ELAVL2: variants seen among roughly 807,000 people sequenced by gnomAD.
ELAVL2 encodes ELAV-like protein 2.
ELAVL2 carries 4 observed loss-of-function variants against 34.6 expected under a neutral mutation model. The observed-to-expected ratio is 0.12, with a 90% CI of 0.06 to 0.26. The LOEUF (loss-of-function observed/expected upper bound fraction) is 0.26. Ranked by LOEUF, ELAVL2 falls within the 10% of genes least tolerant of loss-of-function variation. The pLI is 1.00. For missense variants in ELAVL2, 432 were observed against 442.8 expected, an observed-to-expected ratio of 0.98 and a Z score of 0.22; for synonymous variants, 193 against 154.8, an observed-to-expected ratio of 1.25 and a Z score of -1.83.
intron 3 of ELAVL2, among the ~76,000 whole-genome samples, chr9:23,727,173 G>A (rs1165487182): frequency 2.0e-5 from 3 of 152,040 alleles, no homozygotes; most frequent in Admixed American, 1.3e-4. Flanking sequence ...TGCAGTACAG[G>A]GATGATGTCA....
intron 4 of ELAVL2, among the ~76,000 whole-genome samples, chr9:23,702,477 G>A (rs1450329425): frequency 1.3e-5 from 2 of 151,942 alleles, no homozygotes; most frequent in African/African-American, 4.8e-5. Flanking sequence ...TAATTAGCGT[G>A]AACAGGCTAG....
chr9:23,824,289 G>A (rs2065143498), intron 1 of ELAVL2, among the ~76,000 whole-genome samples: 1 of 152,156 alleles, frequency 6.6e-6, no homozygotes. Flanking sequence ...TGAAATAGGT[G>A]GGTACGTAGC....
chr9:23,754,475 T>C (rs910679394), intron 2 of ELAVL2, among the ~76,000 whole-genome samples: 1 of 151,980 alleles, frequency 6.6e-6, no homozygotes, highest in Non-Finnish European at 1.5e-5. Flanking sequence ...TTTTGTGAAA[T>C]GGAGTCTTGC....
At chr9:23,783,336 G>C (rs758002600) in intron 1 of ELAVL2, 15 of 407,912 alleles carry the variant, frequency 3.7e-5, no homozygotes, top group Admixed American at 1.3e-4. Flanking sequence ...ATCTCACTCA[G>C]CTCACAGTCT....
intron 3 of ELAVL2, among the ~76,000 whole-genome samples, chr9:23,707,167 A>C (rs1208323767): frequency 6.6e-6 from 1 of 152,242 alleles, no homozygotes; most frequent in East Asian, 1.9e-4. Flanking sequence ...ATGTAAGTGA[A>C]GAACAAGTGG....
At chr9:23,699,820 T>G (rs1414599450) in intron 5 of ELAVL2, among the ~76,000 whole-genome samples, 32 of 37,362 alleles carry the variant, frequency 8.6e-4, no homozygotes, top group African/African-American at 1.3e-4. Context: ...AGGTTTTTTT[T>G]TTTTTTTTTT....
At chr9:23,703,262 G>C (rs2038097981) in intron 4 of ELAVL2, among the ~76,000 whole-genome samples, 1 of 152,122 alleles carries the variant, frequency 6.6e-6, no homozygotes, top group African/African-American at 2.4e-5. Context: ...CAATTCACAA[G>C]ATCTCAGAAT....
chr9:23,791,021 A>C (rs1052517515), intron 1 of ELAVL2, among the ~76,000 whole-genome samples: 9 of 152,198 alleles, frequency 5.9e-5, no homozygotes, highest in African/African-American at 2.2e-4. Flanking sequence ...CTGTCTTCTA[A>C]ATATATGTTC....
chr9:23,774,637 AGT>A (rs1293184540), intron 1 of ELAVL2, among the ~76,000 whole-genome samples: 1 of 151,226 alleles, frequency 6.6e-6, no homozygotes, highest in African/African-American at 2.4e-5. Flanking sequence ...TATTTTTAAA[AGT>A]GTGTGACCCC....
chr9:23,819,885 A>G (rs114927423), intron 1 of ELAVL2, among the ~76,000 whole-genome samples: 1 of 152,200 alleles, frequency 6.6e-6, no homozygotes, highest in Non-Finnish European at 1.5e-5. Flanking sequence ...ATAGTTTGCA[A>G]GCGAACTTCC....
chr9:23,779,075 A>T (rs1421056200), intron 1 of ELAVL2, among the ~76,000 whole-genome samples: 1 of 152,210 alleles, frequency 6.6e-6, no homozygotes, highest in Non-Finnish European at 1.5e-5. Context: ...GCACACAAAA[A>T]AGATAAAAAT....
At chr9:23,832,652 C>T in the ELAVL2 span, among the ~76,000 whole-genome samples, 1 of 152,206 alleles carries the variant, frequency 6.6e-6, no homozygotes, top group East Asian at 1.9e-4. Flanking sequence ...TCCACAAGGG[C>T]ATTTACATTT....
At chr9:23,804,327 A>C (rs2061946663) in intron 1 of ELAVL2, among the ~76,000 whole-genome samples, 1 of 152,182 alleles carries the variant, frequency 6.6e-6, no homozygotes, top group Non-Finnish European at 1.5e-5. Context: ...TGAGAGGTTA[A>C]CAATTTCATG....
In ELAVL2 at chr9:23,701,534, T is replaced by G. The variant is rs1287410788; in HGVS notation, c.558A>C (p.Leu186=). Residue 186 remains leucine, a synonymous_variant, in exon 5 of 7, where the codon CTA becomes CTC. Coordinates refer to ENST00000397312, the MANE Select transcript of ELAVL2 (RefSeq NM_004432.5). ...RIEAEEAIKG[L]NGQKPPGATE... is the part of the protein sequence containing the mutation. ...TGGCACCGGGAGGTTTCTGGCCATT[T>G]AGGCCTTTGATAGCTTCTTCTGCCT... is the stretch of plus-strand genomic sequence containing the variant. The G allele has an allele frequency of 1.9e-6, 3 of 1,614,138 alleles. No individual in the cohort carries two copies. In the Admixed American group the frequency reaches 5.0e-5, roughly 27 times the overall value.
At chr9:23,827,150 ACTC>A (rs2065344480), upstream of ELAVL2, among the ~76,000 whole-genome samples, 1 of 152,126 alleles carries the variant, frequency 6.6e-6, no homozygotes, top group South Asian at 2.1e-4. Flanking sequence ...GGAACAAGCC[ACTC>A]CTCTGCATTT....
At position 23,728,031 on chromosome 9, in the gene ELAVL2, G is replaced by T. The variant is rs116464182; in HGVS notation, c.333+2991C>A. Among the ~76,000 whole-genome samples, 641 of 152,066 alleles carry T rather than the reference G, an allele frequency of 4.2e-3. 4 individuals carry two copies. Among genetic ancestry groups the T allele is most frequent in the African/African-American group, 0.014 (598 of 41,504 alleles). Reference sequence around the variant, plus strand: ...TTCTAAAGTAAAGCACAGTGTCCTGGCAAGAGTTTTGATATAACGATCAGA... The same window carrying T: ...TTCTAAAGTAAAGCACAGTGTCCTGTCAAGAGTTTTGATATAACGATCAGA... On this transcript the variant is annotated intron_variant, in intron 3 of 6. Transcript: ENST00000397312.
At chr9:23,785,246 A>G (rs1260459873) in intron 1 of ELAVL2, among the ~76,000 whole-genome samples, 1 of 152,218 alleles carries the variant, frequency 6.6e-6, no homozygotes, top group Non-Finnish European at 1.5e-5. Flanking sequence ...AGCACTGTTC[A>G]TCAAAGCACA....
chr9:23,698,568 G>A (rs1157309269), intron 5 of ELAVL2, among the ~76,000 whole-genome samples: 1 of 152,104 alleles, frequency 6.6e-6, no homozygotes, highest in African/African-American at 2.4e-5. Flanking sequence ...TAAAAATACA[G>A]TGAGAAATTT....
chr9:23,744,593 CA>C lies in ELAVL2; in HGVS notation c.230-13469del, dbSNP rs1006764141. Among the ~76,000 whole-genome samples, 173 of 152,026 alleles carry C rather than the reference CA, an allele frequency of 1.1e-3. 1 individual carries two copies. The highest frequency in any genetic ancestry group is 4.1e-3 in the African/African-American group (168 of 41,472). ...TTATTCTAGTTATCCTAATTGACAA[CA>C]ACATTATTAAGGATTCTACTTAGAT... On this transcript the variant is annotated intron_variant, in intron 2 of 6. Coordinates refer to ENST00000397312, the MANE Select transcript of ELAVL2 (RefSeq NM_004432.5).
Sources: allele counts gnomAD v4.1 joint callset (sites outside exome capture counted in the v4.1 genomes callset), GRCh38; gene constraint gnomAD v4.1.1; transcripts MANE v1.5; gene names NCBI Gene and HGNC (gene_info 2026-07-23, HGNC 2026-07-21).